ARHGEF3: variants seen among roughly 807,000 people sequenced by gnomAD.
The protein encoded by ARHGEF3 is Rho guanine nucleotide exchange factor 3.
ARHGEF3 carries 28 observed loss-of-function variants against 63.2 expected under a neutral mutation model. The ratio of observed to expected loss-of-function variants is 0.44; its 90% confidence interval spans 0.33 to 0.61. The LOEUF is 0.61. Ranked by LOEUF, ARHGEF3 falls within the 20% of genes least tolerant of loss-of-function variation. The pLI is 0.03. For synonymous variants in ARHGEF3, 266 were observed against 254.2 expected (o/e 1.05, Z -0.44); for missense variants, 533 against 659.3 (o/e 0.81, Z 2.10).
chr3:56,840,968 C>A (rs55709294), intron 4 of ARHGEF3, among the ~76,000 whole-genome samples: 41,573 of 151,998 alleles, frequency 0.27, 6,625 homozygotes, highest in Non-Finnish European at 0.36. Context: ...AACATACACA[C>A]AGTTAAGCAG....
chr3:56,924,637 C>T (rs564642671), intron 3 of ARHGEF3, among the ~76,000 whole-genome samples: 3 of 152,304 alleles, frequency 2.0e-5, no homozygotes, highest in South Asian at 2.1e-4. Context: ...AACTTCCTGA[C>T]GTTGCCAAGG....
At chr3:56,822,849 G>A (rs373953112) in intron 4 of ARHGEF3, among the ~76,000 whole-genome samples, 16 of 131,974 alleles carry the variant, frequency 1.2e-4, no homozygotes, top group African/African-American at 2.6e-4. Context: ...GTAAGACTCT[G>A]AAAAAAAAAA....
intron 2 of ARHGEF3, among the ~76,000 whole-genome samples, chr3:56,971,136 A>C (rs1465827997): frequency 6.6e-6 from 1 of 152,162 alleles, no homozygotes; most frequent in Non-Finnish European, 1.5e-5. Flanking sequence ...GAATGAATTC[A>C]TGGTGCGGCC....
chr3:56,746,507 G>A (rs910253537), intron 6 of ARHGEF3, among the ~76,000 whole-genome samples: 2 of 152,122 alleles, frequency 1.3e-5, no homozygotes, highest in African/African-American at 2.4e-5. Flanking sequence ...CGGGGCAGGC[G>A]GATCACGAGG....
At chr3:56,829,069 G>C (rs2038837584) in intron 4 of ARHGEF3, among the ~76,000 whole-genome samples, 1 of 152,076 alleles carries the variant, frequency 6.6e-6, no homozygotes, top group African/African-American at 2.4e-5. Context: ...GGGATTACAG[G>C]TGCATGCCAC....
At chr3:56,942,508 A>G (rs1470021744) in intron 3 of ARHGEF3, among the ~76,000 whole-genome samples, 6 of 152,016 alleles carry the variant, frequency 3.9e-5, no homozygotes, top group African/African-American at 2.4e-5. Flanking sequence ...CAACCATCCC[A>G]TCTCTCTCCC....
intron 4 of ARHGEF3, among the ~76,000 whole-genome samples, chr3:56,844,023 A>G (rs1214061354): frequency 2.6e-5 from 4 of 152,214 alleles, no homozygotes; most frequent in Non-Finnish European, 5.9e-5. Context: ...GAAGAGAATA[A>G]TATCTACCTT....
chr3:57,074,520 A>G, intron 1 of ARHGEF3: 1 of 511,960 alleles, frequency 2.0e-6, no homozygotes, highest in South Asian at 3.1e-5. Context: ...TCATACTCTT[A>G]GCCCCCGGGG....
intron 1 of ARHGEF3, among the ~76,000 whole-genome samples, chr3:56,800,919 TTTAAGGCCAG>T (rs1292922698): frequency 6.6e-6 from 1 of 152,178 alleles, no homozygotes; most frequent in Non-Finnish European, 1.5e-5. Flanking sequence ...GAACCCAACC[TTTAAGGCCAG>T]TGAGCTATGT....
At chr3:57,002,732 AT>A in intron 2 of ARHGEF3, among the ~76,000 whole-genome samples, 1 of 146,950 alleles carries the variant, frequency 6.8e-6, no homozygotes, top group Non-Finnish European at 1.5e-5. Context: ...AGCACTTCAT[AT>A]ATTATTTCAA....
At chr3:56,751,635 T>C (rs2034751073) in intron 4 of ARHGEF3, among the ~76,000 whole-genome samples, 2 of 152,328 alleles carry the variant, frequency 1.3e-5, no homozygotes, top group Admixed American at 6.5e-5. Context: ...TTTTTTATTC[T>C]AGTATGTCAT....
intron 1 of ARHGEF3, among the ~76,000 whole-genome samples, chr3:57,048,083 C>T (rs373743905): frequency 3.3e-5 from 5 of 152,100 alleles, no homozygotes; most frequent in East Asian, 1.9e-4. Context: ...GGCCCAGACA[C>T]GCGCTGGCCT....
chr3:56,824,512 C>G (rs1313638882), intron 4 of ARHGEF3, among the ~76,000 whole-genome samples: 1 of 152,198 alleles, frequency 6.6e-6, no homozygotes, highest in Admixed American at 6.5e-5. Flanking sequence ...GAGATTCGGT[C>G]AGGCTCTACT....
intron 1 of ARHGEF3, among the ~76,000 whole-genome samples, chr3:57,038,642 G>C (rs1347239270): frequency 6.6e-6 from 1 of 151,984 alleles, no homozygotes; most frequent in Non-Finnish European, 1.5e-5. Flanking sequence ...ATGGGGTCTT[G>C]CTATGTTGCC....
chr3:56,920,188 T>A (rs112691106), intron 3 of ARHGEF3, among the ~76,000 whole-genome samples: 74 of 152,344 alleles, frequency 4.9e-4, no homozygotes, highest in African/African-American at 1.7e-3. Context: ...TCTTTCAGTA[T>A]ATAGAGTTGA....
At chr3:57,016,441 C>T (rs533299455) in intron 2 of ARHGEF3, among the ~76,000 whole-genome samples, 2 of 151,662 alleles carry the variant, frequency 1.3e-5, no homozygotes, top group African/African-American at 2.4e-5. Flanking sequence ...CTCAGCTACT[C>T]GGGAGGCTGA....
chr3:56,844,681 T>A (rs535229055), intron 4 of ARHGEF3, among the ~76,000 whole-genome samples: 1 of 152,126 alleles, frequency 6.6e-6, no homozygotes, highest in Non-Finnish European at 1.5e-5. Flanking sequence ...CTGGATCAAT[T>A]TCCCAGGATT....
chr3:57,022,732 G>A (rs1264568319), intron 2 of ARHGEF3, among the ~76,000 whole-genome samples: 1 of 151,604 alleles, frequency 6.6e-6, no homozygotes, highest in Non-Finnish European at 1.5e-5. Context: ...AAGCCTAGGA[G>A]GACCCTGTTT....
chr3:56,972,872 A>G (rs1197718103), intron 2 of ARHGEF3, among the ~76,000 whole-genome samples: 1 of 152,052 alleles, frequency 6.6e-6, no homozygotes, highest in Non-Finnish European at 1.5e-5. Flanking sequence ...TCAATGTTGT[A>G]TGGAGACAGA....
Sources: allele counts gnomAD v4.1 joint callset (sites outside exome capture counted in the v4.1 genomes callset), GRCh38; gene constraint gnomAD v4.1.1; transcripts MANE v1.5; gene names NCBI Gene and HGNC (gene_info 2026-07-23, HGNC 2026-07-21).